Variants in ACOT6 observed in about 807,000 individuals in gnomAD.
The protein encoded by ACOT6 is acyl-CoA thioesterase 6.
In ACOT6, 14 loss-of-function variants were observed where a neutral mutation model predicts 12.3. The observed-to-expected ratio is 1.14, with a 90% confidence interval of 0.75 to 1.78. ACOT6 has a LOEUF of 1.78. Among genes scored for constraint, ACOT6 ranks in the 40% most tolerant of loss-of-function variants. The pLI, the probability that ACOT6 is intolerant of heterozygous loss-of-function variation, is 0.00. For missense variants in ACOT6, 523 were observed against 551.8 expected, an observed-to-expected ratio of 0.95 and a Z score of 0.52; for synonymous variants, 218 against 231.3, an observed-to-expected ratio of 0.94 and a Z score of 0.52.
chr14:73,614,459 G>C (rs1890499690), intron 1 of ACOT6, among the ~76,000 whole-genome samples: 1 of 152,166 alleles, frequency 6.6e-6, no homozygotes, highest in South Asian at 2.1e-4. Flanking sequence ...TACTGACTGG[G>C]CCAGGCGCAG....
intron 1 of ACOT6, among the ~76,000 whole-genome samples, chr14:73,614,632 A>C (rs1032613437): frequency 2.0e-5 from 3 of 151,974 alleles, no homozygotes; most frequent in Non-Finnish European, 4.4e-5. Flanking sequence ...ATGTAGTCCC[A>C]GCTACTAGGG....
At chr14:73,617,873 G>A (rs1320090949) in intron 2 of ACOT6, among the ~76,000 whole-genome samples, 3 of 150,364 alleles carry the variant, frequency 2.0e-5, no homozygotes, top group East Asian at 2.0e-4. Context: ...GGCCAGGTGC[G>A]GTGGCTCACG....
At chr14:73,615,303 C>T (rs1348416085) in intron 1 of ACOT6, among the ~76,000 whole-genome samples, 1 of 145,008 alleles carries the variant, frequency 6.9e-6, no homozygotes, top group Admixed American at 7.3e-5. Context: ...AGGAGAATTG[C>T]TTGAACCCGG....
At chr14:73,615,518 G>A (rs189733365) in intron 1 of ACOT6, among the ~76,000 whole-genome samples, 92 of 151,448 alleles carry the variant, frequency 6.1e-4, no homozygotes, top group African/African-American at 2.0e-3. Context: ...ATCATCTGAG[G>A]TCAGGAGTTT....
chr14:73,612,551 C>G lies in ACOT6; in HGVS notation c.-21C>G. On this transcript the variant is annotated 5_prime_UTR_variant, in exon 1 of 3. Coordinates refer to ENST00000645972, the MANE Select transcript of ACOT6 (RefSeq NM_001365788.1). ...CACTGACTCCGCGGAGCTGGGTCGC[C>G]CCTGTTCTACCCAGATTGGGATGGC... 1 of 1,321,014 alleles carries G rather than the reference C, an allele frequency of 7.6e-7. No individual in the cohort carries two copies. The highest frequency in any genetic ancestry group is 9.8e-7 in the Non-Finnish European group (1 of 1,019,912). The allele number at this position is 1,321,014 out of a possible 1,614,324, so 81.8% of individuals were successfully genotyped here. A position where few individuals can be genotyped will look rare whatever the true frequency, so the allele number is the denominator to read the frequency against.
upstream of ACOT6, chr14:73,612,452 C>A: frequency 1.5e-6 from 1 of 663,738 alleles, no homozygotes; most frequent in Non-Finnish European, 2.2e-6. Flanking sequence ...TCCCCAAGTC[C>A]AACCAATGGG....
Position 73,612,539 on chromosome 14 carries a change from G to A in ACOT6, c.-33G>A. Reference sequence around the variant, plus strand: ...GCCAGGCCCGCCCACTGACTCCGCGGAGCTGGGTCGCCCCTGTTCTACCCA... The same window carrying A: ...GCCAGGCCCGCCCACTGACTCCGCGAAGCTGGGTCGCCCCTGTTCTACCCA... On this transcript the variant is annotated 5_prime_UTR_variant, in exon 1 of 3. Transcript: ENST00000645972. 1 of 1,257,780 alleles carries A rather than the reference G, an allele frequency of 8.0e-7. No individual in the cohort carries two copies. The highest frequency in any genetic ancestry group is 3.1e-5 in the East Asian group (1 of 32,038). The allele number at this position is 1,257,780 out of a possible 1,614,324, so 77.9% of individuals were successfully genotyped here.
At position 73,619,334 on chromosome 14, in the gene ACOT6, T is replaced by C. The variant is rs1012322676; in HGVS notation, c.761T>C (p.Ile254Thr). The C allele has an allele frequency of 7.4e-6, 12 of 1,614,080 alleles. No homozygotes were observed. The highest frequency in any genetic ancestry group is 2.2e-5 in the East Asian group (1 of 44,900). Residue 254 changes from isoleucine (I) to threonine (T), a missense_variant, in exon 3 of 3, where the codon ATC (isoleucine) becomes ACC (threonine). By Grantham distance (89) the Ile-to-Thr change is moderately conservative (BLOSUM62 -1). Coordinates refer to ENST00000645972, the MANE Select transcript of ACOT6 (RefSeq NM_001365788.1). ...AAGGGCATCACAGCCACTGTACTTA[T>C]CAATGCCTGTGTAGCCAACACAGTA... ...FLKGITATVL[I>T]NACVANTVAP...
intron 2 of ACOT6, among the ~76,000 whole-genome samples, chr14:73,618,824 G>C (rs1890582344): frequency 6.6e-6 from 1 of 152,074 alleles, no homozygotes; most frequent in East Asian, 1.9e-4. Flanking sequence ...CGGAAGGAAA[G>C]CAAATGATAG....
chr14:73,618,120 G>A (rs1439726826), intron 2 of ACOT6, among the ~76,000 whole-genome samples: 1 of 151,934 alleles, frequency 6.6e-6, no homozygotes, highest in Non-Finnish European at 1.5e-5. Flanking sequence ...TCTAGACTGG[G>A]CAACAAGAAT....
chr14:73,613,002 T>A lies in ACOT6; in HGVS notation c.431T>A (p.Val144Glu). The A allele has an allele frequency of 3.1e-6, 3 of 976,936 alleles. No homozygotes were observed. The South Asian group carries it at 5.9e-5, about 19-fold the overall frequency. 60.5% of individuals were successfully genotyped at this position (976,936 alleles called of 1,614,324 possible). A position where few individuals can be genotyped will look rare whatever the true frequency, so the allele number is the denominator to read the frequency against. Residue 144 changes from valine to glutamate, a missense_variant, in exon 1 of 3, where the codon GTG (valine) becomes GAG (glutamate). This residue lies in a region of ACOT6 where 304 missense variants were observed against 274.8 expected (regional missense o/e 1.11). Coordinates refer to ENST00000645972, the MANE Select transcript of ACOT6 (RefSeq NM_001365788.1). ...VRREPVRAGP[V>E]RAALFLPPDE... is the part of the protein sequence containing the mutation. Reference sequence around the variant, plus strand: ...CGCGAGCCGGTGCGCGCGGGCCCGGTGCGCGCCGCGCTCTTCCTGCCGCCG... The same window carrying A: ...CGCGAGCCGGTGCGCGCGGGCCCGGAGCGCGCCGCGCTCTTCCTGCCGCCG...
At chr14:73,617,792 T>C (rs761932229) in intron 2 of ACOT6, among the ~76,000 whole-genome samples, 5 of 152,192 alleles carry the variant, frequency 3.3e-5, no homozygotes, top group Non-Finnish European at 5.9e-5. Flanking sequence ...TTGGGTATGA[T>C]AATGGTATTA....
intron 2 of ACOT6, among the ~76,000 whole-genome samples, chr14:73,617,483 C>T (rs1890560009): frequency 6.6e-6 from 1 of 152,092 alleles, no homozygotes. Flanking sequence ...ATTATTATTT[C>T]CATTTTCTCC....
chr14:73,619,095 A>C, intron 2 of ACOT6, 139 bp from the exon 3 acceptor site: 2 of 1,113,712 alleles, frequency 1.8e-6, no homozygotes, highest in Non-Finnish European at 2.5e-6. Context: ...GCACCACTGC[A>C]CTCCAGCCTG....
rs1289819886 is a variant in ACOT6, at chr14:73,619,559, G to A, written c.986G>A (p.Trp329Ter). ...ATTGTTGGCATGGATGATCAAAGCT[G>A]GAAGAGTGAATTCTATGCTCAGATA... ...LFIVGMDDQS[W>*]KSEFYAQIAS... The change falls in exon 3 of 3, where the codon TGG (tryptophan) becomes TAG (stop). Residue 329 changes from tryptophan to a stop codon, truncating the protein, a stop_gained. Coordinates refer to ENST00000645972, the MANE Select transcript of ACOT6 (RefSeq NM_001365788.1). LOFTEE classifies it low-confidence loss of function (END_TRUNC). The A allele has an allele frequency of 6.2e-7, 1 of 1,614,182 alleles. No homozygotes were observed. The highest frequency in any genetic ancestry group is 1.7e-5 in the Admixed American group (1 of 60,016).
rs1429988935 is a variant in ACOT6, at chr14:73,612,846, G to C, written c.275G>C (p.Arg92Pro). Reference sequence around the variant, plus strand: ...TTGGAGCCCGAGAAAGCCTTGGTGCGGCTGGTGAAGCGCGACGTGCGGACG... The same window carrying C: ...TTGGAGCCCGAGAAAGCCTTGGTGCCGCTGGTGAAGCGCGACGTGCGGACG... ...WALEPEKALV[R>P]LVKRDVRTPF... The change falls in exon 1 of 3, where the codon CGG (arginine) becomes CCG (proline). Residue 92 changes from arginine (R) to proline (P), a missense_variant. Arg to Pro is a moderately radical substitution (Grantham distance 103). This residue lies in a region of ACOT6 where 304 missense variants were observed against 274.8 expected (regional missense o/e 1.11). Transcript: ENST00000645972. 7.0e-7 allele frequency: 1 copy of C among 1,420,914 alleles called. No individual in the cohort carries two copies. Among genetic ancestry groups the C allele is most frequent in the Non-Finnish European group, 9.4e-7 (1 of 1,066,592 alleles). The allele number at this position is 1,420,914 out of a possible 1,614,324, so 88.0% of individuals were successfully genotyped here. A position where few individuals can be genotyped will look rare whatever the true frequency, so the allele number is the denominator to read the frequency against.
intron 1 of ACOT6, among the ~76,000 whole-genome samples, chr14:73,614,063 T>TGG (rs1358296705): frequency 1.4e-5 from 2 of 144,724 alleles, no homozygotes; most frequent in Non-Finnish European, 3.0e-5. Flanking sequence ...TAGGCAGGCA[T>TGG]GGTGGTGCAT....
chr14:73,618,378 G>A (rs544555046), intron 2 of ACOT6, among the ~76,000 whole-genome samples: 2 of 146,330 alleles, frequency 1.4e-5, no homozygotes, highest in South Asian at 2.1e-4. Context: ...CCTCTTTTCT[G>A]GGTTCGTCGG....
chr14:73,613,143 C>G, intron 1 of ACOT6, 111 bp downstream of exon 1: 1 of 487,320 alleles, frequency 2.1e-6, no homozygotes, highest in African/African-American at 2.0e-5. Flanking sequence ...GCTCCAGAGT[C>G]TGTCATGGAT....
Sources: allele counts gnomAD v4.1 joint callset (sites outside exome capture counted in the v4.1 genomes callset), GRCh38; gene constraint gnomAD v4.1.1; regional missense constraint gnomAD v4.1.1; transcripts MANE v1.5; gene names NCBI Gene and HGNC (gene_info 2026-07-23, HGNC 2026-07-21).